The following HEPACAM variants were observed in gnomAD, a reference collection of about 807,000 sequenced individuals.
HEPACAM encodes the protein hepatocyte cell adhesion molecule.
Under a neutral mutation model 38.3 loss-of-function variants are expected in HEPACAM, and 18 were observed. The observed-to-expected ratio is 0.47, with a 90% CI of 0.33 to 0.70. The LOEUF (loss-of-function observed/expected upper bound fraction) is 0.70. HEPACAM is among the 30% of genes least tolerant of loss of function. The pLI is 0.03. For missense variants in HEPACAM, 466 were observed against 563.0 expected (o/e 0.83, Z 1.74); for synonymous variants, 216 against 243.1 (o/e 0.89, Z 1.04).
chr11:124,923,311 A>G, intron 4 of HEPACAM, 29 bp downstream of exon 4: 1 of 1,403,522 alleles, frequency 7.1e-7, no homozygotes, highest in Non-Finnish European at 1.0e-6. Context: ...GGATTGAAGG[A>G]CTCAGGTGCT....
Position 124,919,985 on chromosome 11 carries a change from C to T in HEPACAM, c.*1153G>A, listed in dbSNP as rs200260330. The T allele has an allele frequency of 3.8e-5, 61 of 1,613,310 alleles. No homozygotes were observed. The highest frequency in any genetic ancestry group is 4.4e-5 in the Non-Finnish European group (52 of 1,180,008). On this transcript the variant is annotated 3_prime_UTR_variant, in exon 7 of 7. Transcript: ENST00000298251. ...GCATGGGCATGTCCTGGCTACACAG[C>T]GGCCCAGCCTCTTTATTTTGATGTT...
chr11:124,920,094 G>C lies in HEPACAM; in HGVS notation c.*1044C>G. The C allele has an allele frequency of 6.7e-7, 1 of 1,493,918 alleles. No homozygotes were observed. Among genetic ancestry groups the C allele is most frequent in the Non-Finnish European group, 9.1e-7 (1 of 1,101,688 alleles). The allele number at this position is 1,493,918 out of a possible 1,614,324, so 92.5% of individuals were successfully genotyped here. ...GGGCAGATGGGTGGCAGGAGGCCAGGGGTTGGATCATGTTCCCCCCAAATG... is the reference window on the plus strand; with the variant it reads ...GGGCAGATGGGTGGCAGGAGGCCAGCGGTTGGATCATGTTCCCCCCAAATG... On this transcript the variant is annotated 3_prime_UTR_variant, in exon 7 of 7. Coordinates refer to ENST00000298251, the MANE Select transcript of HEPACAM (RefSeq NM_152722.5).
intron 1 of HEPACAM, among the ~76,000 whole-genome samples, chr11:124,934,491 A>G (rs1947318929): frequency 6.6e-6 from 1 of 150,784 alleles, no homozygotes; most frequent in African/African-American, 2.4e-5. Context: ...TGTCCTTATA[A>G]AAAGGGGAAA....
chr11:124,923,671 A>C, intron 3 of HEPACAM, 58 bp downstream of exon 3: 2 of 1,602,378 alleles, frequency 1.2e-6, no homozygotes, highest in Non-Finnish European at 1.7e-6. Context: ...TCAGTCCCTC[A>C]TGGTCACCTG....
At chr11:124,934,105 C>A (rs1947314319) in intron 1 of HEPACAM, among the ~76,000 whole-genome samples, 1 of 152,184 alleles carries the variant, frequency 6.6e-6, no homozygotes, top group Admixed American at 6.5e-5. Flanking sequence ...GACATCTTCA[C>A]ACGGAAGCCT....
chr11:124,923,464 G>T, intron 3 of HEPACAM, 31 bp from the exon 4 acceptor site: 1 of 1,497,998 alleles, frequency 6.7e-7, no homozygotes, highest in South Asian at 1.1e-5. Flanking sequence ...AGAGGCAGGA[G>T]GGACTTCAAA....
In HEPACAM at chr11:124,925,770, T is replaced by C. The variant is rs545592768; in HGVS notation, c.86-701A>G. 2.0e-5 allele frequency among the ~76,000 whole-genome samples: 3 copies of C among 152,266 alleles called. No homozygotes were observed. The South Asian group carries it at 6.2e-4, about 32-fold the overall frequency. The stretch of plus-strand genomic sequence containing the variant: ...GGAATTCACCCAAACTCCAGCCCAA[T>C]CTGTACCCCTAGAAGAAGGATTTGC... On this transcript the variant is annotated intron_variant, in intron 1 of 6. Transcript: ENST00000298251.
chr11:124,921,407 C>T lies in HEPACAM; in HGVS notation c.982G>A (p.Glu328Lys). 2 of 1,269,956 alleles carry T rather than the reference C, an allele frequency of 1.6e-6. No homozygotes were observed. Among genetic ancestry groups the T allele is most frequent in the Middle Eastern group, 3.0e-4 (1 of 3,358 alleles). The allele number at this position is 1,269,956 out of a possible 1,614,324, so 78.7% of individuals were successfully genotyped here. ...SPETEENPAP[E>K]PRSATEPGPP... ...CCGGGCTCCGTCGCGCTTCGAGGCT[C>T]CGGGGCCGGGTTCTCCTCGGTCTCC... Residue 328 changes from glutamate (E) to lysine (K), a missense_variant, in exon 7 of 7, where the codon GAG becomes AAG. Glu to Lys is a moderately conservative substitution (Grantham distance 56, BLOSUM62 1). Coordinates refer to ENST00000298251, the MANE Select transcript of HEPACAM (RefSeq NM_152722.5). This position sits in a 1 kb window ranked among gnomAD's most constrained non-coding sequence, Gnocchi z 4.6.
intron 1 of HEPACAM, among the ~76,000 whole-genome samples, chr11:124,933,490 G>T (rs970908909): frequency 2.0e-5 from 3 of 152,118 alleles, no homozygotes; most frequent in Non-Finnish European, 4.4e-5. Flanking sequence ...ATGTTTTGGT[G>T]TATTTACTAA....
In HEPACAM at chr11:124,921,015, A is replaced by AC. The variant is rs1947125397; in HGVS notation, c.*122dup. 7.1e-7 allele frequency: 1 copy of AC among 1,403,908 alleles called. No individual in the cohort carries two copies. The highest frequency in any genetic ancestry group is 1.5e-5 in the African/African-American group (1 of 66,066). The allele number at this position is 1,403,908 out of a possible 1,614,324, so 87.0% of individuals were successfully genotyped here. A position where few individuals can be genotyped will look rare whatever the true frequency, so the allele number is the denominator to read the frequency against. On this transcript the variant is annotated 3_prime_UTR_variant, in exon 7 of 7. Coordinates refer to ENST00000298251, the MANE Select transcript of HEPACAM (RefSeq NM_152722.5). This position sits in a 1 kb window ranked among gnomAD's most constrained non-coding sequence, Gnocchi z 4.6. ...GCTCATACACGTTCACACCCGAGAC[A>AC]CCAGCGCCCCCCCGGGACCTCCCCT... is the stretch of plus-strand genomic sequence containing the variant.
chr11:124,935,835 G>T, intron 1 of HEPACAM, 87 bp downstream of exon 1: 1 of 1,102,328 alleles, frequency 9.1e-7, no homozygotes, highest in Non-Finnish European at 1.4e-6. Context: ...TGCCCCAAAG[G>T]CATTCAGGCC....
intron 1 of HEPACAM, among the ~76,000 whole-genome samples, chr11:124,930,242 C>G (rs1947266160): frequency 6.6e-6 from 1 of 152,130 alleles, no homozygotes; most frequent in African/African-American, 2.4e-5. Context: ...TAATATTATT[C>G]CTAATTAATG....
chr11:124,933,647 G>A (rs1243632129), intron 1 of HEPACAM, among the ~76,000 whole-genome samples: 2 of 151,964 alleles, frequency 1.3e-5, no homozygotes, highest in African/African-American at 2.4e-5. Flanking sequence ...TATTTGTGTC[G>A]TTCCTATTCT....
At chr11:124,933,737 T>C (rs1191299144) in intron 1 of HEPACAM, among the ~76,000 whole-genome samples, 3 of 152,214 alleles carry the variant, frequency 2.0e-5, no homozygotes, top group African/African-American at 7.2e-5. Flanking sequence ...AGTAACCTCT[T>C]AATTGCCTTA....
rs1489386839 is a variant in HEPACAM at position 124,921,162 on chromosome 11, G to C, written c.1227C>G (p.Ala409=). 2.6e-6 allele frequency: 4 copies of C among 1,528,018 alleles called. No homozygotes were observed. The highest frequency in any genetic ancestry group is 3.5e-6 in the Non-Finnish European group (4 of 1,144,574). 94.7% of individuals were successfully genotyped at this position (1,528,018 alleles called of 1,614,324 possible). ...GVHIIREQDE[A]GPVEISA ...CTCAGGCGCTGATCTCCACCGGGCC[G>C]GCCTCGTCTTGCTCGCGGATTATGT... Residue 409 remains alanine, a synonymous_variant, in exon 7 of 7, where the codon GCC becomes GCG. Transcript: ENST00000298251. This position sits in a 1 kb window ranked among gnomAD's most constrained non-coding sequence, Gnocchi z 4.6.
At position 124,920,805 on chromosome 11, in the gene HEPACAM, G is replaced by T. The variant is rs899343256; in HGVS notation, c.*333C>A. The T allele has an allele frequency of 4.4e-6, 5 of 1,128,372 alleles. No homozygotes were observed. Among genetic ancestry groups the T allele is most frequent in the Non-Finnish European group, 4.3e-6 (4 of 921,744 alleles). The allele number at this position is 1,128,372 out of a possible 1,614,324, so 69.9% of individuals were successfully genotyped here. On this transcript the variant is annotated 3_prime_UTR_variant, in exon 7 of 7. Coordinates refer to ENST00000298251, the MANE Select transcript of HEPACAM (RefSeq NM_152722.5). ...GAGCACAGGATAGTCACGGGGGTTAGGTTACTGATGTTAGTTTCCATAAAA... is the reference window on the plus strand; with the variant it reads ...GAGCACAGGATAGTCACGGGGGTTATGTTACTGATGTTAGTTTCCATAAAA...
In HEPACAM at chr11:124,920,691, A is replaced by C; in HGVS notation, c.*447T>G. On this transcript the variant is annotated 3_prime_UTR_variant, in exon 7 of 7. Transcript: ENST00000298251. ...AATCTGAACTTGCAAAAAAAAAAAAAAAAAAAAAAAAAAAAAAAGTGCCCC... is the reference window on the plus strand; with the variant it reads ...AATCTGAACTTGCAAAAAAAAAAAACAAAAAAAAAAAAAAAAAAGTGCCCC... 1 of 1,019,080 alleles carries C rather than the reference A, an allele frequency of 9.8e-7. No individual in the cohort carries two copies. Among genetic ancestry groups the C allele is most frequent in the African/African-American group, 1.8e-5 (1 of 56,280 alleles). The allele number at this position is 1,019,080 out of a possible 1,614,324, so 63.1% of individuals were successfully genotyped here.
Position 124,924,502 on chromosome 11 carries a change from T to C in HEPACAM, c.427+226A>G. 1 of 606,064 alleles carries C rather than the reference T, an allele frequency of 1.6e-6. No individual in the cohort carries two copies. Among genetic ancestry groups the C allele is most frequent in the Non-Finnish European group, 3.0e-6 (1 of 336,900 alleles). The allele number at this position is 606,064 out of a possible 1,614,324, so 37.5% of individuals were successfully genotyped here. ...TCACCAGACTATTATAAGCATTAAATGAGTCAACATATGCAAAGCACTTAG... is the reference window on the plus strand; with the variant it reads ...TCACCAGACTATTATAAGCATTAAACGAGTCAACATATGCAAAGCACTTAG... On this transcript the variant is annotated intron_variant, in intron 2 of 6. Transcript: ENST00000298251. This position sits in a 1 kb window ranked among gnomAD's most constrained non-coding sequence, Gnocchi z 4.4.
At chr11:124,922,705 A>G (rs757601832) in intron 5 of HEPACAM, 40 bp downstream of exon 5, 1 of 1,613,880 alleles carries the variant, frequency 6.2e-7, no homozygotes, top group Admixed American at 1.7e-5. Context: ...CACTGATCTG[A>G]TTGTTGATGG....
Sources: gnomAD v4.1 joint callset for allele counts (sites outside exome capture counted in the v4.1 genomes callset) on GRCh38, gnomAD v4.1.1 for gene constraint, Gnocchi (gnomAD v3.1) non-coding constraint, MANE v1.5 for transcripts, NCBI Gene and HGNC (gene_info 2026-07-23, HGNC 2026-07-21) for gene names.